The following CDH2 variants were observed in gnomAD, a reference collection of about 807,000 sequenced individuals.
CDH2 encodes the protein cadherin 2, also known as cadherin-2.
A neutral mutation model predicts 92.0 loss-of-function variants in CDH2; 17 were observed. That is an observed-to-expected ratio of 0.18 (90% confidence interval 0.13 to 0.28). CDH2 has a LOEUF of 0.28. Ranked by LOEUF, CDH2 falls within the 10% of genes least tolerant of loss-of-function variation. The pLI, the probability that CDH2 is intolerant of heterozygous loss-of-function variation, is 1.00. For missense variants in CDH2, 862 were observed against 1,133.1 expected (o/e 0.76, Z 3.44); for synonymous variants, 419 against 415.9 (o/e 1.01, Z -0.09).
At chr18:28,036,718 A>T (rs896042584) in intron 2 of CDH2, 2 of 604,840 alleles carry the variant, frequency 3.3e-6, no homozygotes, top group Non-Finnish European at 5.8e-6. Flanking sequence ...GGTGGCTCAA[A>T]CAGAGCCCTT....
At chr18:28,158,180 C>A (rs866204701) in intron 1 of CDH2, among the ~76,000 whole-genome samples, 2 of 152,142 alleles carry the variant, frequency 1.3e-5, no homozygotes, top group African/African-American at 2.4e-5. Flanking sequence ...AAACACAACC[C>A]AATTATAGCA....
intron 2 of CDH2, among the ~76,000 whole-genome samples, chr18:28,100,601 C>T (rs1170818782): frequency 6.6e-6 from 1 of 152,210 alleles, no homozygotes; most frequent in Non-Finnish European, 1.5e-5. Flanking sequence ...TACCAGGATA[C>T]ATGAGCATGT....
intron 2 of CDH2, among the ~76,000 whole-genome samples, chr18:28,032,601 G>A (rs2013725378): frequency 1.3e-5 from 2 of 152,108 alleles, no homozygotes; most frequent in East Asian, 3.9e-4. Flanking sequence ...CAGAATGTTT[G>A]TGATAAAATA....
At chr18:27,998,799 T>C (rs1324325574) in intron 7 of CDH2, among the ~76,000 whole-genome samples, 1 of 152,144 alleles carries the variant, frequency 6.6e-6, no homozygotes, top group African/African-American at 2.4e-5. Context: ...TTTGTATTTT[T>C]AGTAGAGACA....
chr18:27,955,761 G>GTTCTTTTTTTTTTTT (rs2011229906), intron 15 of CDH2, among the ~76,000 whole-genome samples: 1 of 111,716 alleles, frequency 9.0e-6, no homozygotes, highest in African/African-American at 3.6e-5. Flanking sequence ...CTTTATTTCT[G>GTTCTTTTTTTTTTTT]TTTTTTTTTT....
At chr18:28,076,423 T>C (rs375020997) in intron 2 of CDH2, among the ~76,000 whole-genome samples, 2 of 152,192 alleles carry the variant, frequency 1.3e-5, no homozygotes, top group South Asian at 2.1e-4. Context: ...GGAAATAATA[T>C]ATGCCCCTTA....
chr18:28,078,367 T>C (rs147479985), intron 2 of CDH2, among the ~76,000 whole-genome samples: 21 of 152,222 alleles, frequency 1.4e-4, no homozygotes, highest in Admixed American at 1.4e-3. Flanking sequence ...TTAACCTCAA[T>C]GTCTTGATAA....
intron 6 of CDH2, among the ~76,000 whole-genome samples, chr18:27,945,394 CAGGT>C (rs1909247261): frequency 8.4e-6 from 1 of 119,486 alleles, no homozygotes; most frequent in African/African-American, 3.2e-5. Flanking sequence ...TAATAACTGT[CAGGT>C]AGTTTATATT....
chr18:27,996,664 GACACAC>G (rs144932616), intron 7 of CDH2, among the ~76,000 whole-genome samples: 2 of 152,034 alleles, frequency 1.3e-5, no homozygotes, highest in Non-Finnish European at 2.9e-5. Context: ...CAGAGACACA[GACACAC>G]ACACACGTGT....
At chr18:28,045,789 G>A (rs113895981) in intron 2 of CDH2, among the ~76,000 whole-genome samples, 392 of 152,260 alleles carry the variant, frequency 2.6e-3, no homozygotes, top group Non-Finnish European at 4.1e-3. Flanking sequence ...AAGCTCTGGT[G>A]CTCAGCTCAG....
rs116389503 is a variant in CDH2 at position 28,144,281 on chromosome 18, C to T, written c.172+3392G>A. On this transcript the variant is annotated intron_variant, in intron 2 of 15. Coordinates refer to ENST00000269141, the MANE Select transcript of CDH2 (RefSeq NM_001792.5). ...ATGCTTTTAAAACAGAATAGAAAAA[C>T]GCAAAGTAAAAATGACTGCCTAAAC... Among the ~76,000 whole-genome samples, 315 of 151,440 alleles carry T rather than the reference C, an allele frequency of 2.1e-3. 2 individuals carry two copies. Among genetic ancestry groups the T allele is most frequent in the African/African-American group, 7.0e-3 (291 of 41,292 alleles).
rs551213423 is a variant in CDH2, at chr18:28,014,882, T to C, written c.173-973A>G. ...CAAAAATATTCTCTAAGGAAGATTATTCCTTTAAAGTCCTTAATTGTTCTT... is the reference window on the plus strand; with the variant it reads ...CAAAAATATTCTCTAAGGAAGATTACTCCTTTAAAGTCCTTAATTGTTCTT... On this transcript the variant is annotated intron_variant, in intron 2 of 15. Transcript: ENST00000269141. Among the ~76,000 whole-genome samples the C allele has an allele frequency of 2.1e-3, 318 of 152,318 alleles. 1 individual carries two copies. Among genetic ancestry groups the C allele is most frequent in the African/African-American group, 7.4e-3 (307 of 41,580 alleles).
At chr18:28,107,730 T>C (rs996427011) in intron 2 of CDH2, among the ~76,000 whole-genome samples, 1 of 152,040 alleles carries the variant, frequency 6.6e-6, no homozygotes, top group African/African-American at 2.4e-5. Context: ...TCAAAAATAG[T>C]ATGTTTTCCT....
Position 28,005,860 on chromosome 18 carries a change from C to A in CDH2, c.836G>T (p.Gly279Val). 6.2e-7 allele frequency: 1 copy of A among 1,609,042 alleles called. No homozygotes were observed. The highest frequency in any genetic ancestry group is 1.1e-5 in the South Asian group (1 of 89,844). The change falls in exon 6 of 16, where the codon GGA becomes GTA. Residue 279 changes from glycine to valine, a missense_variant. This residue lies in a region of CDH2 where 564 missense variants were observed against 722.2 expected (regional missense o/e 0.78). Coordinates refer to ENST00000269141, the MANE Select transcript of CDH2 (RefSeq NM_001792.5). ...HQVWNGTVPE[G>V]SKPGTYVMTV... ...ATCTTTAAACTTACCAGGCTTTGAT[C>A]CCTCAGGAACTGTCCCATTCCAAAC...
chr18:28,061,729 T>A (rs2014405879), intron 2 of CDH2, among the ~76,000 whole-genome samples: 2 of 152,174 alleles, frequency 1.3e-5, no homozygotes, highest in South Asian at 4.1e-4. Flanking sequence ...TGACTCACAG[T>A]TCAACATGGC....
intron 14 of CDH2, 38 bp from the exon 15 acceptor site, chr18:27,963,559 G>C (rs1418184570): frequency 4.0e-5 from 64 of 1,592,088 alleles, no homozygotes; most frequent in Non-Finnish European, 5.3e-5. Flanking sequence ...TGGGAGATGG[G>C]CACAAAGATA....
chr18:27,952,056 A>C lies in CDH2; in HGVS notation c.*97T>G. On this transcript the variant is annotated 3_prime_UTR_variant, in exon 16 of 16. Transcript: ENST00000269141. The stretch of plus-strand genomic sequence containing the variant: ...CAAAGCCTCCAGCAAGCACTGTGCT[A>C]GTAGACTACAAAGTTAAAGCCTAGC... The C allele has an allele frequency of 9.4e-7, 1 of 1,061,226 alleles. No individual in the cohort carries two copies. 65.7% of individuals were successfully genotyped at this position (1,061,226 alleles called of 1,614,324 possible). A position where few individuals can be genotyped will look rare whatever the true frequency, so the allele number is the denominator to read the frequency against.
intron 2 of CDH2, among the ~76,000 whole-genome samples, chr18:28,133,492 GA>G (rs1284357553): frequency 7.6e-5 from 11 of 145,040 alleles, no homozygotes; most frequent in African/African-American, 2.8e-4. Flanking sequence ...TGAGGCAGGA[GA>G]ATCGCTTGAA....
chr18:27,958,549 G>T (rs561274135), intron 15 of CDH2, among the ~76,000 whole-genome samples: 8 of 148,176 alleles, frequency 5.4e-5, no homozygotes, highest in African/African-American at 2.0e-4. Flanking sequence ...ATATAAATAC[G>T]TGTATATTTA....
Sources: gnomAD v4.1 joint callset for allele counts (sites outside exome capture counted in the v4.1 genomes callset) on GRCh38, gnomAD v4.1.1 for gene constraint, gnomAD v4.1.1 regional missense constraint, MANE v1.5 for transcripts, NCBI Gene and HGNC (gene_info 2026-07-23, HGNC 2026-07-21) for gene names.